Variants in TCF3 observed in about 807,000 individuals in gnomAD.
The protein encoded by TCF3 is transcription factor E2-alpha.
A neutral mutation model predicts 72.3 loss-of-function variants in TCF3; 54 were observed. The ratio of observed to expected loss-of-function variants is 0.75; its 90% confidence interval spans 0.60 to 0.94. The LOEUF (loss-of-function observed/expected upper bound fraction) is 0.94. TCF3 is among the 40% of genes least tolerant of loss of function. The probability of loss-of-function intolerance (pLI) is 0.00; values close to 1 mark genes in which losing one functional copy is unlikely to be tolerated. For missense variants in TCF3, 1,078 were observed against 934.4 expected, an observed-to-expected ratio of 1.15 and a Z score of -2.00; for synonymous variants, 525 against 412.6, an observed-to-expected ratio of 1.27 and a Z score of -3.30.
intron 11 of TCF3, among the ~76,000 whole-genome samples, chr19:1,621,540 T>A (rs982947296): frequency 2.0e-5 from 3 of 151,214 alleles, no homozygotes; most frequent in Non-Finnish European, 4.4e-5. Flanking sequence ...GGTGAGTCCC[T>A]CTCTGACCCT....
chr19:1,615,755 T>G lies in TCF3; in HGVS notation c.1517A>C (p.Glu506Ala). The change falls in exon 17 of 19, where the codon GAG (glutamate) becomes GCG (alanine). Residue 506 changes from glutamate to alanine, a missense_variant. Physicochemically the swap from Glu to Ala is moderately radical, Grantham distance 107. Transcript: ENST00000262965. The surrounding 1 kb of genome is among the most constrained non-coding windows in gnomAD (Gnocchi z 7.3). Reference sequence around the variant, plus strand: ...CGAGTGGTCAGCCGCTGACGTGTTCTCCTCGTCCTCCTTCTCCTCCCGCTT... The same window carrying G: ...CGAGTGGTCAGCCGCTGACGTGTTCGCCTCGTCCTCCTTCTCCTCCCGCTT... ...EIKREEKEDE[E>A]NTSAADHSEE... 1.9e-6 allele frequency: 3 copies of G among 1,606,438 alleles called. No individual in the cohort carries two copies. The highest frequency in any genetic ancestry group is 2.6e-6 in the Non-Finnish European group (3 of 1,175,094).
chr19:1,628,999 AGCTC>A, intron 5 of TCF3, among the ~76,000 whole-genome samples: 1 of 82,990 alleles, frequency 1.2e-5, no homozygotes, highest in African/African-American at 5.7e-5. Flanking sequence ...GGGACAGCAG[AGCTC>A]ACGGGGGTGA....
chr19:1,622,252 CCGAGTGGGGAA>C, intron 9 of TCF3, 29 bp from the exon 10 acceptor site: 2 of 1,514,984 alleles, frequency 1.3e-6, no homozygotes, highest in Non-Finnish European at 1.8e-6. Flanking sequence ...AAGGTGGGGG[CCGAGTGGGGAA>C]CCCCAGCCCT....
chr19:1,611,323 T>C lies in TCF3; in HGVS notation c.*384A>G. The C allele has an allele frequency of 2.6e-6, 1 of 386,736 alleles. No homozygotes were observed. The highest frequency in any genetic ancestry group is 4.6e-6 in the Non-Finnish European group (1 of 218,812). The allele number at this position is 386,736 out of a possible 1,614,324, so 24.0% of individuals were successfully genotyped here. A position where few individuals can be genotyped will look rare whatever the true frequency, so the allele number is the denominator to read the frequency against. On this transcript the variant is annotated 3_prime_UTR_variant, in exon 19 of 19. Transcript: ENST00000262965. ...TTTTATAGTTAAGGCATTTTTTTCT[T>C]CTCTGACAAAGTGTATGTTTTGTTG... is the stretch of plus-strand genomic sequence containing the variant.
chr19:1,651,780 G>C (rs1472786541), intron 1 of TCF3, among the ~76,000 whole-genome samples: 1 of 151,782 alleles, frequency 6.6e-6, no homozygotes, highest in East Asian at 1.9e-4. Context: ...CATTAACGCG[G>C]AGCAGATGTT....
At chr19:1,640,092 G>A (rs866404172) in intron 3 of TCF3, among the ~76,000 whole-genome samples, 15 of 152,178 alleles carry the variant, frequency 9.9e-5, no homozygotes, top group Middle Eastern at 3.2e-3. Context: ...ATTGAGGACC[G>A]CGGCGCCCTC....
chr19:1,624,404 C>T (rs1008476288), intron 7 of TCF3, among the ~76,000 whole-genome samples: 1 of 151,324 alleles, frequency 6.6e-6, no homozygotes, highest in African/African-American at 2.5e-5. Flanking sequence ...CAAAACACAA[C>T]AGCAGCAGCA....
At chr19:1,619,909 T>C in intron 13 of TCF3, 56 bp from the exon 14 acceptor site, 1 of 1,415,532 alleles carries the variant, frequency 7.1e-7, no homozygotes, top group Non-Finnish European at 9.7e-7. Flanking sequence ...GAGCATGGCC[T>C]GATGCCCATG....
chr19:1,639,553 C>T (rs1003705727), intron 3 of TCF3, among the ~76,000 whole-genome samples: 2 of 152,104 alleles, frequency 1.3e-5, no homozygotes, highest in Non-Finnish European at 1.5e-5. Flanking sequence ...CCACATCCAA[C>T]TATCCCTCAA....
At chr19:1,633,416 CT>C (rs1198229557) in intron 3 of TCF3, among the ~76,000 whole-genome samples, 1 of 152,166 alleles carries the variant, frequency 6.6e-6, no homozygotes, top group Non-Finnish European at 1.5e-5. Context: ...GTGCTGATGT[CT>C]GTGACCGGCA....
intron 5 of TCF3, 123 bp from the exon 6 acceptor site, chr19:1,627,549 C>G (rs747486101): frequency 2.2e-5 from 19 of 863,028 alleles, no homozygotes; most frequent in Non-Finnish European, 3.3e-5. Context: ...AGCGCCACGG[C>G]AGGATGCTGG....
intron 2 of TCF3, among the ~76,000 whole-genome samples, chr19:1,648,361 C>A (rs990286371): frequency 6.6e-6 from 1 of 152,160 alleles, no homozygotes; most frequent in South Asian, 2.1e-4. Context: ...CGAGGGGGGA[C>A]GCCCGGAGAG....
chr19:1,630,584 G>A (rs957107099), intron 5 of TCF3, among the ~76,000 whole-genome samples: 3 of 152,158 alleles, frequency 2.0e-5, no homozygotes, highest in Non-Finnish European at 2.9e-5. Context: ...CAGGTCCAGT[G>A]CCCCACAGCT....
chr19:1,626,556 G>A (rs1431723592), intron 6 of TCF3, among the ~76,000 whole-genome samples: 2 of 152,116 alleles, frequency 1.3e-5, no homozygotes, highest in Admixed American at 6.5e-5. Context: ...TCCTGAGCCC[G>A]CACCCTGTGT....
chr19:1,643,878 C>T (rs926659426), intron 3 of TCF3, among the ~76,000 whole-genome samples: 21 of 152,202 alleles, frequency 1.4e-4, no homozygotes, highest in African/African-American at 5.1e-4. Context: ...GGAGCTAGAA[C>T]AGGGCACATG....
chr19:1,645,801 C>G (rs1310720291), intron 3 of TCF3, among the ~76,000 whole-genome samples: 10 of 152,216 alleles, frequency 6.6e-5, no homozygotes. Context: ...GATGTTTCTG[C>G]TTTGAGCACT....
In TCF3 at chr19:1,612,320, C is replaced by T. The variant is rs1555712474; in HGVS notation, c.1823-471G>A. On this transcript the variant is annotated intron_variant, in intron 18 of 18. Transcript: ENST00000262965. ...CATCTGGCACATGCGCCCCAGCTCC[C>T]GGAAGGCCTCGTTAATATCCCGCAC... is the stretch of plus-strand genomic sequence containing the variant. The T allele has an allele frequency of 1.1e-5, 17 of 1,613,946 alleles. No individual in the cohort carries two copies. The highest frequency in any genetic ancestry group is 1.7e-4 in the Middle Eastern group (1 of 6,060).
At position 1,622,085 on chromosome 19, in the gene TCF3, G is replaced by A. The variant is rs748395369; in HGVS notation, c.791C>T (p.Thr264Met). Residue 264 changes from threonine to methionine, a missense_variant, in exon 10 of 19, where the codon ACG becomes ATG. Coordinates refer to ENST00000262965, the MANE Select transcript of TCF3 (RefSeq NM_003200.5). ...GPVGSSGSSS[T>M]FGGLHQHERM... The stretch of plus-strand genomic sequence containing the variant: ...CTCGTGCTGGTGCAGGCCACCAAAC[G>A]TGCTGCTGCTTCCACTGCTGCCCAC... 8.1e-6 allele frequency: 13 copies of A among 1,604,358 alleles called. No individual in the cohort carries two copies. Among genetic ancestry groups the A allele is most frequent in the Admixed American group, 1.7e-5 (1 of 59,358 alleles).
chr19:1,639,783 T>C (rs976784806), intron 3 of TCF3, among the ~76,000 whole-genome samples: 8 of 107,986 alleles, frequency 7.4e-5, no homozygotes, highest in Admixed American at 9.5e-5. Context: ...AAGGAACAAA[T>C]GTCAGTAATA....
Sources: gnomAD v4.1 joint callset for allele counts (sites outside exome capture counted in the v4.1 genomes callset) on GRCh38, gnomAD v4.1.1 for gene constraint, Gnocchi (gnomAD v3.1) non-coding constraint, MANE v1.5 for transcripts, NCBI Gene and HGNC (gene_info 2026-07-23, HGNC 2026-07-21) for gene names.